Variants in N4BP1 observed in about 807,000 individuals in gnomAD.
N4BP1 encodes the protein NEDD4 binding protein 1.
N4BP1 carries 21 observed loss-of-function variants against 70.9 expected under a neutral mutation model. That is an observed-to-expected ratio of 0.30 (90% confidence interval 0.21 to 0.43). N4BP1 has a LOEUF of 0.43. Ranked by LOEUF, N4BP1 falls within the 20% of genes least tolerant of loss-of-function variation. N4BP1 has a pLI of 1.00. For missense variants in N4BP1, 936 were observed against 1,069.4 expected (o/e 0.88, Z 1.74); for synonymous variants, 387 against 394.6 (o/e 0.98, Z 0.23).
At chr16:48,560,331 T>C (rs1424130800) in intron 2 of N4BP1, among the ~76,000 whole-genome samples, 2 of 152,122 alleles carry the variant, frequency 1.3e-5, no homozygotes, top group Non-Finnish European at 2.9e-5. Context: ...CTGTTACCAC[T>C]GCACACTCTT....
rs115119298 is a variant in N4BP1 at position 48,571,055 on chromosome 16, G to A, written c.199-8611C>T. On this transcript the variant is annotated intron_variant, in intron 1 of 6. Coordinates refer to ENST00000262384, the MANE Select transcript of N4BP1 (RefSeq NM_153029.4). The stretch of plus-strand genomic sequence containing the variant: ...GATCCTTCTGCCTCGGCCTCCCAAA[G>A]TGCCGGTATTAAAGGCGTGAGCCAC... 5.1e-3 allele frequency among the ~76,000 whole-genome samples: 777 copies of A among 152,280 alleles called. 5 individuals are homozygous for A. Among genetic ancestry groups the A allele is most frequent in the African/African-American group, 0.017 (701 of 41,560 alleles).
At chr16:48,603,969 C>T (rs16946324) in intron 1 of N4BP1, among the ~76,000 whole-genome samples, 1,941 of 152,310 alleles carry the variant, frequency 0.013, 46 homozygotes, top group African/African-American at 0.044. Flanking sequence ...TTCAGACCCC[C>T]TTACCTCCAA....
intron 1 of N4BP1, among the ~76,000 whole-genome samples, chr16:48,583,099 A>G (rs558366553): frequency 6.6e-6 from 1 of 152,304 alleles, no homozygotes; most frequent in Non-Finnish European, 1.5e-5. Context: ...AAATAAATAA[A>G]TAAATAAAAT....
chr16:48,601,038 A>T (rs1266194392), intron 1 of N4BP1, among the ~76,000 whole-genome samples: 1 of 152,236 alleles, frequency 6.6e-6, no homozygotes, highest in Non-Finnish European at 1.5e-5. Context: ...GGAAAGGGGG[A>T]TACAACAAGG....
At position 48,538,975 on chromosome 16, in the gene N4BP1, A is replaced by G. The variant is rs1028308125; in HGVS notation, c.*3929T>C. 1.3e-5 allele frequency: 2 copies of G among 152,354 alleles called. No homozygotes were observed. Among genetic ancestry groups the G allele is most frequent in the African/African-American group, 4.8e-5 (2 of 41,444 alleles). The allele number at this position is 152,354 out of a possible 1,614,324, so 9.4% of individuals were successfully genotyped here. On this transcript the variant is annotated 3_prime_UTR_variant, in exon 7 of 7. Transcript: ENST00000262384. ...TGGCAGAAGCACTGGAAAGGAGACGAGGACTCAGGCTGGGCCTTCCAGGAG... is the reference window on the plus strand; with the variant it reads ...TGGCAGAAGCACTGGAAAGGAGACGGGGACTCAGGCTGGGCCTTCCAGGAG...
chr16:48,555,864 T>G (rs1291394316), intron 2 of N4BP1, among the ~76,000 whole-genome samples: 1 of 152,218 alleles, frequency 6.6e-6, no homozygotes, highest in Non-Finnish European at 1.5e-5. Flanking sequence ...TTGAGATAAC[T>G]GCACTGAAAA....
intron 2 of N4BP1, among the ~76,000 whole-genome samples, chr16:48,560,103 G>GA (rs35489334): frequency 0.4 from 61,114 of 151,504 alleles, 13,275 homozygotes; most frequent in African/African-American, 0.56. Flanking sequence ...CTGCCCCTTA[G>GA]AAAAAAAACC....
chr16:48,597,576 T>C (rs1964435057), intron 1 of N4BP1, among the ~76,000 whole-genome samples: 1 of 152,192 alleles, frequency 6.6e-6, no homozygotes, highest in Non-Finnish European at 1.5e-5. Flanking sequence ...GCTAACCAGT[T>C]TGAAGACCCC....
chr16:48,546,952 G>T (rs1422281606), intron 5 of N4BP1, among the ~76,000 whole-genome samples: 4 of 152,174 alleles, frequency 2.6e-5, no homozygotes, highest in Non-Finnish European at 2.9e-5. Flanking sequence ...ACAGAAACAT[G>T]CCCTACAAGA....
At chr16:48,555,324 T>G (rs375642400) in intron 2 of N4BP1, among the ~76,000 whole-genome samples, 1 of 152,012 alleles carries the variant, frequency 6.6e-6, no homozygotes, top group African/African-American at 2.4e-5. Flanking sequence ...TGGATCATAC[T>G]CCGGCTTCCT....
chr16:48,557,915 T>TA (rs1963779796), intron 2 of N4BP1, among the ~76,000 whole-genome samples: 1 of 152,194 alleles, frequency 6.6e-6, no homozygotes, highest in East Asian at 1.9e-4. Context: ...CAAAGTTTAT[T>TA]CACACTTAAC....
intron 1 of N4BP1, among the ~76,000 whole-genome samples, chr16:48,590,370 A>G (rs931244757): frequency 5.3e-5 from 8 of 152,170 alleles, no homozygotes; most frequent in Non-Finnish European, 1.2e-4. Context: ...AGTAATAATA[A>G]AACTCTAGTC....
chr16:48,586,127 A>T (rs1046857602), intron 1 of N4BP1, among the ~76,000 whole-genome samples: 2 of 152,228 alleles, frequency 1.3e-5, no homozygotes, highest in Non-Finnish European at 2.9e-5. Flanking sequence ...ATATGTGATT[A>T]ATTTCCAAGT....
At position 48,546,259 on chromosome 16, in the gene N4BP1, A is replaced by G. The variant is rs1488490230; in HGVS notation, c.2226-5T>C. Reference sequence around the variant, plus strand: ...ACGAACGTGTACTGCAGCAGCCTACAACACAGAACACCATGAGGCTGAGAG... The same window carrying G: ...ACGAACGTGTACTGCAGCAGCCTACGACACAGAACACCATGAGGCTGAGAG... On this transcript the variant is annotated splice_region_variant and splice_polypyrimidine_tract_variant and intron_variant, in intron 5 of 6. Transcript: ENST00000262384. The G allele has an allele frequency of 1.3e-6, 2 of 1,588,866 alleles. No homozygotes were observed. Among genetic ancestry groups the G allele is most frequent in the South Asian group, 1.1e-5 (1 of 87,704 alleles).
Position 48,539,690 on chromosome 16 carries a change from A to G in N4BP1, c.*3214T>C, listed in dbSNP as rs1479285688. The G allele has an allele frequency of 6.6e-6, 1 of 152,232 alleles. No individual in the cohort carries two copies. The highest frequency in any genetic ancestry group is 1.9e-4 in the East Asian group (1 of 5,198). 9.4% of individuals were successfully genotyped at this position (152,232 alleles called of 1,614,324 possible). On this transcript the variant is annotated 3_prime_UTR_variant, in exon 7 of 7. Coordinates refer to ENST00000262384, the MANE Select transcript of N4BP1 (RefSeq NM_153029.4). ...ATGCCCGGTAACCTACATTCTTAAC[A>G]CCAGCTGCCCTCTCCACCACCACGA...
chr16:48,570,048 A>G (rs1008596126), intron 1 of N4BP1, among the ~76,000 whole-genome samples: 1 of 152,048 alleles, frequency 6.6e-6, no homozygotes, highest in African/African-American at 2.4e-5. Flanking sequence ...TGGAGACCAC[A>G]ACTCCAATTA....
chr16:48,543,779 C>T (rs947899914), intron 6 of N4BP1, among the ~76,000 whole-genome samples: 12 of 152,290 alleles, frequency 7.9e-5, no homozygotes, highest in East Asian at 1.9e-4. Context: ...GCATCTGTAT[C>T]GCTCAAAAGC....
rs776502147 is a variant in N4BP1 at position 48,561,723 on chromosome 16, C to T, written c.920G>A (p.Gly307Glu). ...TGTCTTAGCATCGTGTAAAATCTCC[C>T]CCTCCTGAACATTTTCCAAAGAAAA... ...KQFSLENVQE[G>E]EILHDAKTLA... Residue 307 changes from glycine to glutamate, a missense_variant, in exon 2 of 7, where the codon GGG (glycine) becomes GAG (glutamate). By Grantham distance (98) the Gly-to-Glu change is moderately conservative. Around this residue, in one of 4 missense-constraint regions of N4BP1, gnomAD observed 515 missense variants for 491.7 expected, o/e 1.05. Coordinates refer to ENST00000262384, the MANE Select transcript of N4BP1 (RefSeq NM_153029.4). 2 of 1,612,182 alleles carry T rather than the reference C, an allele frequency of 1.2e-6. No individual in the cohort carries two copies. The highest frequency in any genetic ancestry group is 2.2e-5 in the East Asian group (1 of 44,878).
At chr16:48,602,330 G>A (rs1964514754) in intron 1 of N4BP1, among the ~76,000 whole-genome samples, 1 of 152,094 alleles carries the variant, frequency 6.6e-6, no homozygotes, top group South Asian at 2.1e-4. Context: ...CTACAATTTT[G>A]TTCTTGAAAC....
Sources: allele counts gnomAD v4.1 joint callset (sites outside exome capture counted in the v4.1 genomes callset), GRCh38; gene constraint gnomAD v4.1.1; regional missense constraint gnomAD v4.1.1; transcripts MANE v1.5; gene names NCBI Gene and HGNC (gene_info 2026-07-23, HGNC 2026-07-21).